Variants in NT5C2 observed in about 807,000 individuals in gnomAD.
NT5C2 encodes cytosolic purine 5'-nucleotidase.
In NT5C2, 58 loss-of-function variants were observed where a neutral mutation model predicts 76.1. The ratio of observed to expected loss-of-function variants is 0.76; its 90% CI spans 0.62 to 0.95. NT5C2 has a LOEUF of 0.95. Ranked by LOEUF, NT5C2 falls within the 40% of genes least tolerant of loss-of-function variation. NT5C2 has a pLI of 0.00. For missense variants in NT5C2, 478 were observed against 690.3 expected, an observed-to-expected ratio of 0.69 and a Z score of 3.45; for synonymous variants, 229 against 237.4, an observed-to-expected ratio of 0.96 and a Z score of 0.32.
intron 4 of NT5C2, among the ~76,000 whole-genome samples, chr10:103,134,159 A>G (rs1475731481): frequency 6.6e-6 from 1 of 152,246 alleles, no homozygotes; most frequent in Non-Finnish European, 1.5e-5. Context: ...AGCCCTGTAC[A>G]GAAATTTGCA....
rs3781281 is a variant in NT5C2, at chr10:103,092,891, G to A, written c.1159+248C>T. 0.32 allele frequency among the ~76,000 whole-genome samples: 48,041 copies of A among 151,938 alleles called. 7,684 individuals are homozygous for A. The highest frequency in any genetic ancestry group is 0.36 in the Middle Eastern group (107 of 294). Reference sequence around the variant, plus strand: ...GTGTTACTGTAACACAACTCAAGACGCCAACATTCTAAACTTAACCTCGAA... The same window carrying A: ...GTGTTACTGTAACACAACTCAAGACACCAACATTCTAAACTTAACCTCGAA... On this transcript the variant is annotated intron_variant, in intron 15 of 18. Transcript: ENST00000404739.
chr10:103,101,367 C>A (rs2069594572), intron 6 of NT5C2, 41 bp from the exon 7 acceptor site: 1 of 1,114,978 alleles, frequency 9.0e-7, no homozygotes, highest in Non-Finnish European at 1.3e-6. Flanking sequence ...TTTAAAATAA[C>A]ATTATAATAA....
intron 6 of NT5C2, chr10:103,105,335 T>C (rs1207947091): frequency 2.5e-6 from 2 of 799,718 alleles, no homozygotes; most frequent in Non-Finnish European, 3.3e-6. Context: ...TAAAATTTTT[T>C]CAAAGCATTT....
At chr10:103,174,835 G>A (rs1457138390) in intron 3 of NT5C2, 23 bp downstream of exon 3, 2 of 1,506,164 alleles carry the variant, frequency 1.3e-6, no homozygotes, top group East Asian at 2.3e-5. Flanking sequence ...GGGTTTTGAG[G>A]ATTAAATAGA....
chr10:103,175,756 TC>T, intron 2 of NT5C2: 1 of 273,242 alleles, frequency 3.7e-6, no homozygotes, highest in Non-Finnish European at 6.7e-6. Flanking sequence ...TGAGCCAGCA[TC>T]CCCTATCCAG....
chr10:103,129,025 TG>T lies in NT5C2; in HGVS notation c.175+10380del, dbSNP rs1449503337. ...CCAGCCGCCCCATCTGGGAGGGAGG[TG>T]GGGGGTCAGCCCCCCCGACCGGCCA... On this transcript the variant is annotated intron_variant, in intron 4 of 18. Transcript: ENST00000404739. Among the ~76,000 whole-genome samples, 4 of 87,622 alleles carry T rather than the reference TG, an allele frequency of 4.6e-5. 1 individual carries two copies. The East Asian group carries it at 1.8e-3, about 39-fold the overall frequency. The allele number at this position is 87,622 out of a possible 152,430, so 57.5% of individuals were successfully genotyped here.
chr10:103,151,759 T>G (rs1041242441), intron 3 of NT5C2, among the ~76,000 whole-genome samples: 3 of 152,148 alleles, frequency 2.0e-5, no homozygotes, highest in African/African-American at 7.2e-5. Context: ...ATGAAAACGG[T>G]GAATGTAAGA....
At chr10:103,100,105 GTTCCA>G (rs2069191450) in intron 8 of NT5C2, 86 bp from the exon 9 acceptor site, 1 of 819,522 alleles carries the variant, frequency 1.2e-6, no homozygotes, top group East Asian at 2.5e-5. Context: ...GGACCCAAAG[GTTCCA>G]TATCACATGG....
chr10:103,105,910 C>A, intron 5 of NT5C2, 109 bp from the exon 6 acceptor site: 1 of 720,932 alleles, frequency 1.4e-6, no homozygotes, highest in Non-Finnish European at 2.4e-6. Flanking sequence ...AAGCTTTGTA[C>A]CAACTCAAAG....
chr10:103,116,587 CT>C (rs11451961), intron 4 of NT5C2, among the ~76,000 whole-genome samples: 88 of 126,192 alleles, frequency 7.0e-4, no homozygotes, highest in Middle Eastern at 3.9e-3. Flanking sequence ...TTTTTTTTTT[CT>C]TTTTTTTTTT....
chr10:103,140,023 T>G (rs756416697), intron 3 of NT5C2: 1 of 152,274 alleles, frequency 6.6e-6, no homozygotes, highest in African/African-American at 2.4e-5. Context: ...GCTCAGGAGA[T>G]CCTCCTTACC....
chr10:103,177,571 G>C (rs1260267756), intron 2 of NT5C2, among the ~76,000 whole-genome samples: 1 of 152,172 alleles, frequency 6.6e-6, no homozygotes, highest in Non-Finnish European at 1.5e-5. Context: ...GCCCAGGCTG[G>C]AGTGCAGTGA....
chr10:103,101,028 TTATAG>T lies in NT5C2; in HGVS notation c.539+12_539+16del, dbSNP rs1199598478. On this transcript the variant is annotated intron_variant, in intron 8 of 18. Transcript: ENST00000404739. ...TTAAAAATCAATTGGAAAAAAATAA[TTATAG>T]TATATACATACCTGGTATATCTGGG... 7.5e-7 allele frequency: 1 copy of T among 1,335,768 alleles called. No homozygotes were observed. The highest frequency in any genetic ancestry group is 1.7e-5 in the Admixed American group (1 of 58,454). 82.7% of individuals were successfully genotyped at this position (1,335,768 alleles called of 1,614,324 possible).
At chr10:103,094,292 G>A (rs2067638187) in intron 13 of NT5C2, 56 bp downstream of exon 13, 1 of 1,144,316 alleles carries the variant, frequency 8.7e-7, no homozygotes. Flanking sequence ...AAGAGTGGGG[G>A]AAGGAGAAAC....
At chr10:103,133,218 C>G (rs2078561153) in intron 4 of NT5C2, among the ~76,000 whole-genome samples, 1 of 152,194 alleles carries the variant, frequency 6.6e-6, no homozygotes, top group Admixed American at 6.5e-5. Context: ...TGCCTTTCAC[C>G]TTCCACCATG....
chr10:103,125,681 A>G (rs1432061088), intron 4 of NT5C2, among the ~76,000 whole-genome samples: 1 of 152,238 alleles, frequency 6.6e-6, no homozygotes, highest in Non-Finnish European at 1.5e-5. Context: ...TAACAATACT[A>G]ATGGAAATCA....
intron 1 of NT5C2, among the ~76,000 whole-genome samples, chr10:103,192,936 G>A (rs921542460): frequency 2.6e-5 from 4 of 152,138 alleles, no homozygotes; most frequent in Non-Finnish European, 5.9e-5. Context: ...GCGAGCCGGC[G>A]GCTGGGAAAC....
rs546247939 is a variant in NT5C2 at position 103,136,910 on chromosome 10, A to T, written c.175+2496T>A. Among the ~76,000 whole-genome samples the T allele has an allele frequency of 3.3e-5, 5 of 152,312 alleles. No individual in the cohort carries two copies. The East Asian group carries it at 7.7e-4, about 23-fold the overall frequency. On this transcript the variant is annotated intron_variant, in intron 4 of 18. Transcript: ENST00000404739. ...AGTGCTGGGATTACAGGCATGAGCC[A>T]CCGCGCCAGGCCAATTAAGTGACCT...
intron 5 of NT5C2, 22 bp downstream of exon 5, chr10:103,106,567 C>T: frequency 1.3e-6 from 2 of 1,484,990 alleles, no homozygotes; most frequent in South Asian, 1.1e-5. Context: ...AGTCTTAATC[C>T]AAAAATATCT....
Sources: gnomAD v4.1 joint callset for allele counts (sites outside exome capture counted in the v4.1 genomes callset) on GRCh38, gnomAD v4.1.1 for gene constraint, MANE v1.5 for transcripts, NCBI Gene and HGNC (gene_info 2026-07-23, HGNC 2026-07-21) for gene names.